Variants in PDE11A observed in about 807,000 individuals in gnomAD.
The protein encoded by PDE11A is phosphodiesterase 11A.
Under a neutral mutation model 100.5 loss-of-function variants are expected in PDE11A, and 100 were observed. The ratio of observed to expected loss-of-function variants is 1.00; its 90% CI spans 0.85 to 1.18. PDE11A has a LOEUF of 1.18. Ranked by LOEUF, PDE11A falls within the 50% of genes most tolerant of loss-of-function variation. PDE11A has a pLI of 0.00. For synonymous variants in PDE11A, 381 were observed against 420.8 expected, an observed-to-expected ratio of 0.91 and a Z score of 1.16; for missense variants, 1,141 against 1,152.6, an observed-to-expected ratio of 0.99 and a Z score of 0.15.
chr2:178,072,601 C>T lies in PDE11A; in HGVS notation c.-164G>A, dbSNP rs1298945448. ...CAGTGGAATCTGGGAGATGCCCCTT[C>T]CTTCTCTGGCTCAGAGTGGCTGGCG... On this transcript the variant is annotated 5_prime_UTR_variant, in exon 1 of 20. Transcript: ENST00000286063. 2.0e-6 allele frequency: 3 copies of T among 1,509,496 alleles called. No homozygotes were observed. Among genetic ancestry groups the T allele is most frequent in the Non-Finnish European group, 2.6e-6 (3 of 1,134,150 alleles). 93.5% of individuals were successfully genotyped at this position (1,509,496 alleles called of 1,614,324 possible). A position where few individuals can be genotyped will look rare whatever the true frequency, so the allele number is the denominator to read the frequency against.
chr2:177,861,896 A>G (rs1301357567), intron 5 of PDE11A, among the ~76,000 whole-genome samples: 1 of 151,904 alleles, frequency 6.6e-6, no homozygotes, highest in Non-Finnish European at 1.5e-5. Context: ...CCCTTATCTC[A>G]CACCATGTAC....
chr2:177,813,327 C>A (rs925028816), intron 9 of PDE11A, among the ~76,000 whole-genome samples: 2 of 152,138 alleles, frequency 1.3e-5, no homozygotes, highest in African/African-American at 4.8e-5. Context: ...GGTCTCTTGG[C>A]TGAATTCTTT....
At chr2:177,980,975 TACACACACACACACACACACAC>T (rs3073403) in intron 2 of PDE11A, among the ~76,000 whole-genome samples, 5 of 129,686 alleles carry the variant, frequency 3.9e-5, no homozygotes, top group African/African-American at 1.1e-4. Context: ...GAGAACTAGA[TACACACACACACACACACACAC>T]ACACACACAC....
At chr2:177,994,897 G>GAA (rs561344860) in intron 2 of PDE11A, among the ~76,000 whole-genome samples, 1 of 142,482 alleles carries the variant, frequency 7.0e-6, no homozygotes, top group African/African-American at 2.6e-5. Context: ...TCTTGCAAAA[G>GAA]AAAAAAAAAA....
chr2:177,715,164 C>A (rs937214890), intron 12 of PDE11A, among the ~76,000 whole-genome samples: 1 of 152,230 alleles, frequency 6.6e-6, no homozygotes, highest in African/African-American at 2.4e-5. Flanking sequence ...ATTCTATTCT[C>A]GTACTCAGTG....
At chr2:177,717,419 A>G (rs2081456072) in intron 12 of PDE11A, among the ~76,000 whole-genome samples, 2 of 152,060 alleles carry the variant, frequency 1.3e-5, no homozygotes, top group South Asian at 4.1e-4. Flanking sequence ...GAAAACAGAG[A>G]GGCGGCAGGA....
chr2:177,977,689 T>C, intron 2 of PDE11A, among the ~76,000 whole-genome samples: 1 of 136,790 alleles, frequency 7.3e-6, no homozygotes, highest in Non-Finnish European at 1.6e-5. Context: ...CTTCAAACTA[T>C]ACTACAAGGC....
At chr2:178,090,207 C>T (rs908747633) in intron 2 of PDE11A, among the ~76,000 whole-genome samples, 1 of 152,128 alleles carries the variant, frequency 6.6e-6, no homozygotes, top group Admixed American at 6.5e-5. Flanking sequence ...TCCAAAAGAC[C>T]CTTTATGTAA....
chr2:177,736,030 C>G (rs560020427), intron 10 of PDE11A, among the ~76,000 whole-genome samples: 1 of 152,340 alleles, frequency 6.6e-6, no homozygotes, highest in East Asian at 1.9e-4. Context: ...ACAGCGAACC[C>G]TTTCTTTCCT....
At chr2:177,705,890 A>G (rs1280883403) in intron 13 of PDE11A, among the ~76,000 whole-genome samples, 1 of 152,200 alleles carries the variant, frequency 6.6e-6, no homozygotes, top group Non-Finnish European at 1.5e-5. Context: ...AATGAATAGA[A>G]GAAGTCTCCT....
intron 19 of PDE11A, among the ~76,000 whole-genome samples, chr2:177,639,531 G>A (rs2080107779): frequency 6.6e-6 from 1 of 152,148 alleles, no homozygotes; most frequent in African/African-American, 2.4e-5. Context: ...GCTGAGAGTG[G>A]GGTTAGGATG....
At chr2:177,741,270 C>T (rs778513896) in intron 10 of PDE11A, among the ~76,000 whole-genome samples, 1 of 152,180 alleles carries the variant, frequency 6.6e-6, no homozygotes, top group African/African-American at 2.4e-5. Context: ...CGTGCTCACA[C>T]GGCCTTCTCT....
At chr2:177,830,504 G>A (rs1311481127) in intron 6 of PDE11A, among the ~76,000 whole-genome samples, 1 of 151,788 alleles carries the variant, frequency 6.6e-6, no homozygotes. Flanking sequence ...GGGAGGCTGA[G>A]GCAGGAGAAT....
intron 4 of PDE11A, among the ~76,000 whole-genome samples, chr2:177,896,885 A>T (rs1165094493): frequency 6.6e-6 from 1 of 152,168 alleles, no homozygotes; most frequent in Non-Finnish European, 1.5e-5. Context: ...CAATCACAGG[A>T]TACTTTCCAG....
At chr2:177,865,682 A>C (rs972275307) in intron 5 of PDE11A, among the ~76,000 whole-genome samples, 1 of 152,242 alleles carries the variant, frequency 6.6e-6, no homozygotes. Context: ...AAAAGAATGA[A>C]GGAATAAAGT....
chr2:177,873,655 C>T (rs895186293), intron 5 of PDE11A, among the ~76,000 whole-genome samples: 8 of 152,120 alleles, frequency 5.3e-5, no homozygotes, highest in African/African-American at 1.9e-4. Context: ...CAACCCTCTA[C>T]CCCTTTGAAG....
intron 5 of PDE11A, among the ~76,000 whole-genome samples, chr2:177,864,175 C>T (rs1250577776): frequency 6.6e-6 from 1 of 151,944 alleles, no homozygotes; most frequent in East Asian, 1.9e-4. Context: ...GAGAACAAAA[C>T]AGTAGTTACT....
chr2:178,014,516 G>A, intron 1 of PDE11A, 56 bp from the exon 2 acceptor site: 2 of 1,417,462 alleles, frequency 1.4e-6, no homozygotes, highest in East Asian at 2.3e-5. Context: ...CAGGGAGAAG[G>A]AGAGAGAGGT....
At chr2:178,051,966 T>C (rs1257925260) in intron 1 of PDE11A, among the ~76,000 whole-genome samples, 5 of 151,706 alleles carry the variant, frequency 3.3e-5, no homozygotes, top group African/African-American at 1.2e-4. Context: ...AGACAGAAAG[T>C]TAACAAGGAT....
Sources: allele counts gnomAD v4.1 joint callset (sites outside exome capture counted in the v4.1 genomes callset), GRCh38; gene constraint gnomAD v4.1.1; transcripts MANE v1.5; gene names NCBI Gene and HGNC (gene_info 2026-07-23, HGNC 2026-07-21).